The following GNG2 variants were observed in gnomAD, a reference collection of about 807,000 sequenced individuals.
The protein encoded by GNG2 is guanine nucleotide-binding protein G(I)/G(S)/G(O) subunit gamma-2.
A neutral mutation model predicts 5.5 loss-of-function variants in GNG2; 5 were observed. The ratio of observed to expected loss-of-function variants is 0.91; its 90% confidence interval spans 0.48 to 1.92. The LOEUF (loss-of-function observed/expected upper bound fraction) is 1.92, where lower values mean the gene tolerates loss of function less well. Among genes scored for constraint, GNG2 ranks in the 30% most tolerant of loss-of-function variants. GNG2 has a pLI of 0.01. For synonymous variants in GNG2, 28 were observed against 32.0 expected (o/e 0.88, Z 0.42); for missense variants, 55 against 88.4 (o/e 0.62, Z 1.52).
chr14:51,966,153 T>C (rs1201831516), intron 3 of GNG2, among the ~76,000 whole-genome samples: 2 of 123,100 alleles, frequency 1.6e-5, no homozygotes, highest in Non-Finnish European at 3.2e-5. Flanking sequence ...GAGGTTGCAG[T>C]GAGCCAAGAT....
At chr14:51,928,748 G>T (rs552249606) in intron 2 of GNG2, among the ~76,000 whole-genome samples, 1 of 152,100 alleles carries the variant, frequency 6.6e-6, no homozygotes, top group Non-Finnish European at 1.5e-5. Flanking sequence ...GGGTACATAC[G>T]GCTTATATTT....
chr14:51,908,736 ATTT>A lies in GNG2; in HGVS notation c.-30+31100_-30+31102del, dbSNP rs3030340. On this transcript the variant is annotated intron_variant, in intron 2 of 3. Coordinates refer to ENST00000556766, the MANE Select transcript of GNG2 (RefSeq NM_053064.5). ...AGGCGTGCGCCACCACACCCAGCTA[ATTT>A]TTTTTTTTTTTTTTTTTTTTAGTAG... Among the ~76,000 whole-genome samples the A allele has an allele frequency of 1.1e-3, 98 of 89,878 alleles. 1 individual carries two copies. Among genetic ancestry groups the A allele is most frequent in the South Asian group, 5.6e-3 (13 of 2,328 alleles). 59.0% of individuals were successfully genotyped at this position (89,878 alleles called of 152,430 possible).
chr14:51,886,997 T>A lies in GNG2; in HGVS notation c.-30+9340T>A, dbSNP rs181358913. Among the ~76,000 whole-genome samples, 5 of 152,346 alleles carry A rather than the reference T, an allele frequency of 3.3e-5. No individual in the cohort carries two copies. In the East Asian group the frequency reaches 9.6e-4, roughly 29 times the overall value. The stretch of plus-strand genomic sequence containing the variant: ...GTATTTCCAAAAAGCGTAGATAACT[T>A]ACAAAAACTTGTTTAAACCAGCTTT... On this transcript the variant is annotated intron_variant, in intron 2 of 3. Coordinates refer to ENST00000556766, the MANE Select transcript of GNG2 (RefSeq NM_053064.5).
chr14:51,880,215 A>G (rs1199406029), intron 2 of GNG2, among the ~76,000 whole-genome samples: 3 of 152,076 alleles, frequency 2.0e-5, no homozygotes, highest in African/African-American at 7.2e-5. Context: ...CATTTCTCCA[A>G]CTCTGGAGGG....
intron 2 of GNG2, among the ~76,000 whole-genome samples, chr14:51,833,494 T>C (rs1265361551): frequency 2.0e-5 from 3 of 152,202 alleles, no homozygotes; most frequent in African/African-American, 7.2e-5. Flanking sequence ...GGTAAGACTG[T>C]GAATACAAAT....
intron 2 of GNG2, among the ~76,000 whole-genome samples, chr14:51,942,572 T>TCTTC (rs58783065): frequency 3.2e-5 from 1 of 30,992 alleles, no homozygotes; most frequent in Non-Finnish European, 5.5e-5. Context: ...TTATTTTTTC[T>TCTTC]CTTTCTTTCT....
At chr14:51,888,531 G>A (rs1433709979) in intron 2 of GNG2, among the ~76,000 whole-genome samples, 1 of 152,012 alleles carries the variant, frequency 6.6e-6, no homozygotes, top group African/African-American at 2.4e-5. Context: ...TGTTACCTGG[G>A]CTGGTCTTGA....
At chr14:51,929,360 C>T (rs1887522883) in intron 2 of GNG2, among the ~76,000 whole-genome samples, 1 of 152,186 alleles carries the variant, frequency 6.6e-6, no homozygotes, top group Non-Finnish European at 1.5e-5. Context: ...CTGCATGACT[C>T]ATCTAACATT....
At chr14:51,876,470 T>C (rs1045994366) in intron 1 of GNG2, among the ~76,000 whole-genome samples, 1 of 152,188 alleles carries the variant, frequency 6.6e-6, no homozygotes, top group African/African-American at 2.4e-5. Flanking sequence ...TCCAGAGTAG[T>C]TGTGCCAGCT....
intron 2 of GNG2, among the ~76,000 whole-genome samples, chr14:51,923,652 G>A (rs1456362932): frequency 6.6e-6 from 1 of 152,026 alleles, no homozygotes; most frequent in Non-Finnish European, 1.5e-5. Context: ...TGGATTTCAT[G>A]CTATCTTAGC....
intron 2 of GNG2, among the ~76,000 whole-genome samples, chr14:51,881,127 G>T (rs551266349): frequency 2.6e-5 from 4 of 152,222 alleles, no homozygotes; most frequent in African/African-American, 9.6e-5. Flanking sequence ...TGTTACTGAG[G>T]TGACCACAGG....
intron 2 of GNG2, among the ~76,000 whole-genome samples, chr14:51,930,200 A>T (rs1468415935): frequency 6.6e-6 from 1 of 152,222 alleles, no homozygotes; most frequent in Non-Finnish European, 1.5e-5. Context: ...TAGTCTGAAC[A>T]TGCTAATTTC....
chr14:51,917,388 G>A (rs530980897), intron 2 of GNG2: 147 of 455,940 alleles, frequency 3.2e-4, no homozygotes, highest in Non-Finnish European at 5.9e-4. Flanking sequence ...AGACAGCAAC[G>A]ACATGGCTGG....
At chr14:51,848,656 A>G (rs1215006111) in intron 2 of GNG2, among the ~76,000 whole-genome samples, 1 of 152,206 alleles carries the variant, frequency 6.6e-6, no homozygotes. Flanking sequence ...TAGAAGGCAC[A>G]CCATTTTTAG....
chr14:51,891,193 A>T (rs1018987636), intron 2 of GNG2, among the ~76,000 whole-genome samples: 1 of 152,242 alleles, frequency 6.6e-6, no homozygotes, highest in African/African-American at 2.4e-5. Flanking sequence ...GCGGGGCGGG[A>T]TACCTTTTTG....
chr14:51,875,939 A>ATTTTTTCTTTT (rs1555350560), intron 1 of GNG2, among the ~76,000 whole-genome samples: 12 of 83,642 alleles, frequency 1.4e-4, no homozygotes, highest in Admixed American at 9.0e-4. Context: ...TCATTTAAAC[A>ATTTTTTCTTTT]TTTTTTTCTT....
rs34653524 is a variant in GNG2 at position 51,966,209 on chromosome 14, CAAAAAAAAAA to C, written c.88-331_88-322del. The stretch of plus-strand genomic sequence containing the variant: ...TGGGCAACAGAGCGAGACTGCATCT[CAAAAAAAAAA>C]AAAAAAAAAAAAAAAAAACAAATGA... On this transcript the variant is annotated intron_variant, in intron 3 of 3. Transcript: ENST00000556766. Among the ~76,000 whole-genome samples, 32 of 28,142 alleles carry C rather than the reference CAAAAAAAAAA, an allele frequency of 1.1e-3. No homozygotes were observed. The Admixed American group carries it at 0.014, about 12-fold the overall frequency. 18.5% of individuals were successfully genotyped at this position (28,142 alleles called of 152,430 possible).
chr14:51,837,882 T>G (rs1197925573), intron 2 of GNG2, among the ~76,000 whole-genome samples: 1 of 152,174 alleles, frequency 6.6e-6, no homozygotes, highest in African/African-American at 2.4e-5. Flanking sequence ...CAAGATATTT[T>G]TATCCCTCTG....
intron 1 of GNG2, chr14:51,827,568 C>G: frequency 1.6e-6 from 1 of 627,514 alleles, no homozygotes; most frequent in Non-Finnish European, 2.8e-6. Flanking sequence ...TCATACAGTT[C>G]CAGACTATAA....
Sources: allele counts gnomAD v4.1 joint callset (sites outside exome capture counted in the v4.1 genomes callset), GRCh38; gene constraint gnomAD v4.1.1; transcripts MANE v1.5; gene names NCBI Gene and HGNC (gene_info 2026-07-23, HGNC 2026-07-21).